The following GALNT14 variants were observed in gnomAD, a reference collection of about 807,000 sequenced individuals.
The protein encoded by GALNT14 is polypeptide N-acetylgalactosaminyltransferase 14.
GALNT14 carries 60 observed loss-of-function variants against 77.5 expected under a neutral mutation model. The ratio of observed to expected loss-of-function variants is 0.77; its 90% CI spans 0.63 to 0.96. The LOEUF (loss-of-function observed/expected upper bound fraction) is 0.96. Ranked by LOEUF, GALNT14 falls within the 40% of genes least tolerant of loss-of-function variation. GALNT14 has a pLI of 0.00. For missense variants in GALNT14, 710 were observed against 731.0 expected (o/e 0.97, Z 0.33); for synonymous variants, 280 against 281.7 (o/e 0.99, Z 0.06).
intron 1 of GALNT14, among the ~76,000 whole-genome samples, chr2:31,091,941 G>A (rs1281688609): frequency 2.0e-5 from 3 of 152,036 alleles, no homozygotes; most frequent in Non-Finnish European, 2.9e-5. Context: ...CTGCCAGTGC[G>A]GCTAGAATAA....
intron 2 of GALNT14, among the ~76,000 whole-genome samples, chr2:30,967,159 T>C (rs74603075): frequency 0.011 from 1,648 of 152,286 alleles, 34 homozygotes; most frequent in African/African-American, 0.038. Flanking sequence ...TTTTTCATTA[T>C]CTATTTTTTT....
chr2:31,009,314 C>T (rs532459452), intron 1 of GALNT14, among the ~76,000 whole-genome samples: 3 of 111,804 alleles, frequency 2.7e-5, no homozygotes, highest in South Asian at 2.8e-4. Context: ...CTGGAAAAGC[C>T]CCCCTTCGAG....
chr2:31,116,727 A>G (rs934719056), intron 1 of GALNT14, among the ~76,000 whole-genome samples: 1 of 152,188 alleles, frequency 6.6e-6, no homozygotes, highest in Non-Finnish European at 1.5e-5. Context: ...ACATATATAT[A>G]GAGAGAACTA....
At chr2:31,053,227 C>A (rs1252119873) in intron 1 of GALNT14, among the ~76,000 whole-genome samples, 1 of 152,162 alleles carries the variant, frequency 6.6e-6, no homozygotes, top group East Asian at 1.9e-4. Flanking sequence ...AGGTTCTTTG[C>A]CTGTCCTCAT....
At chr2:30,933,577 C>T (rs1196232640) in intron 9 of GALNT14, among the ~76,000 whole-genome samples, 2 of 152,232 alleles carry the variant, frequency 1.3e-5, no homozygotes, top group Non-Finnish European at 1.5e-5. Flanking sequence ...ACCACCTTCT[C>T]TGCACCTGCC....
chr2:31,120,729 G>GT (rs1390870342), intron 1 of GALNT14, among the ~76,000 whole-genome samples: 2 of 152,084 alleles, frequency 1.3e-5, no homozygotes, highest in East Asian at 3.9e-4. Context: ...GCTAATTTTC[G>GT]TATTTTTAGT....
chr2:31,101,218 A>C (rs1052290896), intron 1 of GALNT14, among the ~76,000 whole-genome samples: 1 of 152,020 alleles, frequency 6.6e-6, no homozygotes, highest in East Asian at 1.9e-4. Flanking sequence ...CACTAATATA[A>C]AACCATATAT....
At chr2:30,962,589 A>T (rs981438988) in intron 3 of GALNT14, among the ~76,000 whole-genome samples, 2 of 152,172 alleles carry the variant, frequency 1.3e-5, no homozygotes, top group Non-Finnish European at 2.9e-5. Flanking sequence ...TTTTCTCTCT[A>T]AGTGAGAATG....
intron 2 of GALNT14, among the ~76,000 whole-genome samples, chr2:30,974,143 C>G (rs1668510122): frequency 6.6e-6 from 1 of 152,218 alleles, no homozygotes; most frequent in Non-Finnish European, 1.5e-5. Context: ...GCTGACCCTC[C>G]TGAGTTCCCC....
At chr2:30,959,668 T>C (rs939402439) in intron 3 of GALNT14, among the ~76,000 whole-genome samples, 1 of 152,228 alleles carries the variant, frequency 6.6e-6, no homozygotes, top group Admixed American at 6.5e-5. Context: ...TGATAACAAA[T>C]GGTTGCAATT....
chr2:30,965,048 C>T (rs551485697), intron 3 of GALNT14, among the ~76,000 whole-genome samples: 74 of 152,112 alleles, frequency 4.9e-4, no homozygotes, highest in African/African-American at 1.6e-3. Flanking sequence ...TCTAATGAGC[C>T]GCGTTTCATG....
At chr2:30,965,297 G>A (rs1251956369) in intron 3 of GALNT14, among the ~76,000 whole-genome samples, 3 of 152,176 alleles carry the variant, frequency 2.0e-5, no homozygotes, top group East Asian at 1.9e-4. Context: ...TGAAGTGGGC[G>A]TGGCAGTGGC....
intron 2 of GALNT14, among the ~76,000 whole-genome samples, chr2:30,979,204 C>A (rs1668831279): frequency 6.6e-6 from 1 of 152,196 alleles, no homozygotes; most frequent in South Asian, 2.1e-4. Context: ...GCCGCAGTCA[C>A]CCAGACGAGA....
chr2:30,976,606 C>CGTGTGTGTGTGTGTGT (rs550215452), intron 2 of GALNT14, among the ~76,000 whole-genome samples: 40 of 144,250 alleles, frequency 2.8e-4, no homozygotes, highest in Admixed American at 5.3e-4. Flanking sequence ...TGTGCATGTG[C>CGTGTGTGTGTGTGTGT]GTGTGCGTGT....
At chr2:31,016,486 A>G (rs578056572) in intron 1 of GALNT14, among the ~76,000 whole-genome samples, 1 of 152,208 alleles carries the variant, frequency 6.6e-6, no homozygotes, top group African/African-American at 2.4e-5. Flanking sequence ...AGAATCCCAG[A>G]GAAGCTGTAC....
intron 1 of GALNT14, among the ~76,000 whole-genome samples, chr2:31,082,329 A>G (rs1266378273): frequency 6.6e-6 from 1 of 152,238 alleles, no homozygotes; most frequent in Non-Finnish European, 1.5e-5. Flanking sequence ...CTCCACAAAC[A>G]GTTCAAGTGC....
intron 2 of GALNT14, among the ~76,000 whole-genome samples, chr2:30,984,264 C>T (rs1016609434): frequency 4.6e-5 from 7 of 152,248 alleles, no homozygotes; most frequent in African/African-American, 1.7e-4. Flanking sequence ...TCATATCAGG[C>T]TCTAGCTCCC....
the GALNT14 span, among the ~76,000 whole-genome samples, chr2:30,899,197 C>A: frequency 6.6e-6 from 1 of 152,206 alleles, no homozygotes; most frequent in South Asian, 2.1e-4. Flanking sequence ...GAGGCGGGAA[C>A]CCATTTTCCT....
intron 1 of GALNT14, among the ~76,000 whole-genome samples, chr2:31,036,739 C>G (rs192310254): frequency 2.0e-5 from 3 of 152,166 alleles, no homozygotes; most frequent in Non-Finnish European, 4.4e-5. Context: ...TTTAATTTCT[C>G]CTTCATTTCT....
Sources: allele counts gnomAD v4.1 joint callset (sites outside exome capture counted in the v4.1 genomes callset), GRCh38; gene constraint gnomAD v4.1.1; transcripts MANE v1.5; gene names NCBI Gene and HGNC (gene_info 2026-07-23, HGNC 2026-07-21).